The following PIP4P2 variants were observed in gnomAD, a reference collection of about 807,000 sequenced individuals.
PIP4P2 encodes the protein type 2 phosphatidylinositol 4,5-bisphosphate 4-phosphatase.
Under a neutral mutation model 33.3 loss-of-function variants are expected in PIP4P2, and 19 were observed. That is an observed-to-expected ratio of 0.57 (90% CI 0.40 to 0.84). PIP4P2 has a LOEUF of 0.84. Ranked by LOEUF, PIP4P2 falls within the 40% of genes least tolerant of loss-of-function variation. The probability of loss-of-function intolerance (pLI) is 0.00; values close to 1 mark genes in which losing one functional copy is unlikely to be tolerated. For synonymous variants in PIP4P2, 110 were observed against 111.9 expected (o/e 0.98, Z 0.11); for missense variants, 270 against 324.7 (o/e 0.83, Z 1.29).
intron 5 of PIP4P2, among the ~76,000 whole-genome samples, chr8:90,997,830 T>C (rs1475224047): frequency 6.6e-6 from 1 of 152,098 alleles, no homozygotes; most frequent in Non-Finnish European, 1.5e-5. Context: ...CTAGGCATGA[T>C]TTAGAAACAT....
At chr8:91,004,454 C>T (rs1395505500) in intron 5 of PIP4P2, among the ~76,000 whole-genome samples, 1 of 152,116 alleles carries the variant, frequency 6.6e-6, no homozygotes, top group African/African-American at 2.4e-5. Flanking sequence ...TTTACCATTT[C>T]TTTAGACATT....
intron 1 of PIP4P2, among the ~76,000 whole-genome samples, chr8:91,033,587 A>G (rs1812198897): frequency 6.6e-6 from 1 of 152,072 alleles, no homozygotes; most frequent in Non-Finnish European, 1.5e-5. Flanking sequence ...TTTAAAAAGT[A>G]AAGTGTTTTC....
intron 1 of PIP4P2, among the ~76,000 whole-genome samples, chr8:91,037,944 A>G (rs1409878265): frequency 6.6e-6 from 1 of 152,092 alleles, no homozygotes; most frequent in East Asian, 1.9e-4. Flanking sequence ...TGAGCCTAAA[A>G]CTCTCTTTAA....
At chr8:91,005,608 C>T (rs1811753379) in intron 5 of PIP4P2, among the ~76,000 whole-genome samples, 1 of 152,098 alleles carries the variant, frequency 6.6e-6, no homozygotes, top group South Asian at 2.1e-4. Flanking sequence ...GCAATCAGTA[C>T]TTAGCACAGA....
At chr8:91,039,289 G>A (rs1812274476) in intron 1 of PIP4P2, among the ~76,000 whole-genome samples, 1 of 152,192 alleles carries the variant, frequency 6.6e-6, no homozygotes, top group Non-Finnish European at 1.5e-5. Flanking sequence ...TCTGATACAA[G>A]TTTAATGCTG....
rs896837954 is a variant in PIP4P2, at chr8:90,994,580, C to T, written c.*1097G>A. 6.6e-6 allele frequency: 1 copy of T among 152,474 alleles called. No individual in the cohort carries two copies. The highest frequency in any genetic ancestry group is 1.5e-5 in the Non-Finnish European group (1 of 67,932). 9.4% of individuals were successfully genotyped at this position (152,474 alleles called of 1,614,324 possible). On this transcript the variant is annotated 3_prime_UTR_variant, in exon 7 of 7. Coordinates refer to ENST00000285419, the MANE Select transcript of PIP4P2 (RefSeq NM_018710.3). ...AGATGGGCAGTGCGAGAGCTGATTC[C>T]ATAAATTTCAATGAATTCTTAGAAA...
chr8:91,036,114 G>A (rs905300120), intron 1 of PIP4P2, among the ~76,000 whole-genome samples: 9 of 151,986 alleles, frequency 5.9e-5, no homozygotes, highest in Non-Finnish European at 1.3e-4. Flanking sequence ...TCTTATGGTA[G>A]GGCCCTGGGA....
intron 5 of PIP4P2, among the ~76,000 whole-genome samples, chr8:90,999,710 TTTAA>T (rs1811678340): frequency 6.6e-6 from 1 of 152,086 alleles, no homozygotes; most frequent in South Asian, 2.1e-4. Context: ...AACATTACAT[TTTAA>T]TGTTGGCTAG....
rs560453368 is a variant in PIP4P2 at position 91,001,165 on chromosome 8, C to T, written c.540-4421G>A. On this transcript the variant is annotated intron_variant, in intron 5 of 6. Transcript: ENST00000285419. ...ATACCATGTACGTTTTGCCCTATTT[C>T]CCCCATAGTAAATCTTGCAAATTAT... 3.9e-5 allele frequency among the ~76,000 whole-genome samples: 6 copies of T among 152,116 alleles called. No homozygotes were observed. In the South Asian group the frequency reaches 1.2e-3, roughly 32 times the overall value.
intron 4 of PIP4P2, among the ~76,000 whole-genome samples, chr8:91,012,119 C>G (rs1316805614): frequency 6.6e-6 from 1 of 151,750 alleles, no homozygotes. Context: ...ATTTTCTTTT[C>G]TTTGACTCTA....
rs1811947875 is a variant in PIP4P2 at position 91,018,279 on chromosome 8, A to G, written c.486+111T>C. The G allele has an allele frequency of 5.3e-6, 8 of 1,504,144 alleles. No individual in the cohort carries two copies. The South Asian group carries it at 8.9e-5, about 17-fold the overall frequency. The allele number at this position is 1,504,144 out of a possible 1,614,324, so 93.2% of individuals were successfully genotyped here. Reference sequence around the variant, plus strand: ...TCTGCCTAAATAAGTCTCTATTTTAATATTTTGATTAATTTGCATTTGGAC... The same window carrying G: ...TCTGCCTAAATAAGTCTCTATTTTAGTATTTTGATTAATTTGCATTTGGAC... On this transcript the variant is annotated intron_variant, in intron 4 of 6. Coordinates refer to ENST00000285419, the MANE Select transcript of PIP4P2 (RefSeq NM_018710.3).
At chr8:91,025,043 T>C (rs189101200) in intron 1 of PIP4P2, among the ~76,000 whole-genome samples, 1 of 152,126 alleles carries the variant, frequency 6.6e-6, no homozygotes, top group Non-Finnish European at 1.5e-5. Context: ...TCTCCTTTAA[T>C]AAATAATGAC....
At chr8:91,004,870 T>A (rs1004647076) in intron 5 of PIP4P2, among the ~76,000 whole-genome samples, 1 of 152,042 alleles carries the variant, frequency 6.6e-6, no homozygotes, top group Non-Finnish European at 1.5e-5. Flanking sequence ...GGTGGGGGTT[T>A]AGGAGGAATA....
At chr8:90,997,454 T>G (rs1266525837) in intron 5 of PIP4P2, among the ~76,000 whole-genome samples, 3 of 152,208 alleles carry the variant, frequency 2.0e-5, no homozygotes, top group Non-Finnish European at 4.4e-5. Context: ...AATTTAGAAT[T>G]AGGATTACAA....
chr8:91,000,399 GTT>G (rs11326099), intron 5 of PIP4P2, among the ~76,000 whole-genome samples: 19 of 143,730 alleles, frequency 1.3e-4, no homozygotes, highest in South Asian at 4.3e-4. Flanking sequence ...TCATTTAGCA[GTT>G]TTTTTTTTTT....
At chr8:91,027,933 C>A (rs140655713) in intron 1 of PIP4P2, among the ~76,000 whole-genome samples, 1 of 152,158 alleles carries the variant, frequency 6.6e-6, no homozygotes, top group East Asian at 1.9e-4. Flanking sequence ...TAGAGGAGCA[C>A]ATGCATCCTG....
chr8:91,014,170 A>G (rs949907937), intron 4 of PIP4P2, among the ~76,000 whole-genome samples: 2 of 152,158 alleles, frequency 1.3e-5, no homozygotes, highest in African/African-American at 4.8e-5. Flanking sequence ...GGATGTTGAA[A>G]CTTAACTACC....
Position 91,021,367 on chromosome 8 carries a change from T to A in PIP4P2, c.144A>T (p.Pro48=). 2.5e-6 allele frequency: 4 copies of A among 1,613,850 alleles called. No individual in the cohort carries two copies. The highest frequency in any genetic ancestry group is 3.4e-6 in the Non-Finnish European group (4 of 1,179,810). Residue 48 remains proline (P), a synonymous_variant, in exon 2 of 7, where the codon CCA becomes CCT. Transcript: ENST00000285419. ...TTATTACTGGAATACCACTGGCGTC[T>A]GGACTGGCAATGGCTGTATATGGAG... ...LPPPYTAIAS[P]DASGIPVINC...
At chr8:91,030,013 G>T (rs1204780464) in intron 1 of PIP4P2, among the ~76,000 whole-genome samples, 1 of 151,890 alleles carries the variant, frequency 6.6e-6, no homozygotes, top group South Asian at 2.1e-4. Context: ...CAAATATGAG[G>T]TATTGTTTTG....
Sources: allele counts gnomAD v4.1 joint callset (sites outside exome capture counted in the v4.1 genomes callset), GRCh38; gene constraint gnomAD v4.1.1; transcripts MANE v1.5; gene names NCBI Gene and HGNC (gene_info 2026-07-23, HGNC 2026-07-21).